Variants in LYPD5 observed in about 807,000 individuals in gnomAD.
LYPD5 encodes ly6/PLAUR domain-containing protein 5.
In LYPD5, 21 loss-of-function variants were observed where a neutral mutation model predicts 19.1. The observed-to-expected ratio is 1.10, with a 90% CI of 0.78 to 1.58. LYPD5 has a LOEUF of 1.58. Ranked by LOEUF, LYPD5 falls within the 40% of genes most tolerant of loss-of-function variation. LYPD5 has a pLI of 0.00. For missense variants in LYPD5, 287 were observed against 329.8 expected, an observed-to-expected ratio of 0.87 and a Z score of 1.00; for synonymous variants, 128 against 142.7, an observed-to-expected ratio of 0.90 and a Z score of 0.74.
intron 2 of LYPD5, among the ~76,000 whole-genome samples, chr19:43,799,472 T>C (rs1188470856): frequency 1.3e-5 from 2 of 152,194 alleles, no homozygotes; most frequent in Non-Finnish European, 2.9e-5. Context: ...CTCAAACTTC[T>C]GACCTCGTGA....
At chr19:43,809,641 C>T (rs977514722) in intron 1 of LYPD5, among the ~76,000 whole-genome samples, 1 of 152,212 alleles carries the variant, frequency 6.6e-6, no homozygotes, top group African/African-American at 2.4e-5. Flanking sequence ...ATCCACCCGC[C>T]TTGGCCTCCC....
chr19:43,810,915 C>A (rs1970318153), intron 1 of LYPD5, among the ~76,000 whole-genome samples: 1 of 152,086 alleles, frequency 6.6e-6, no homozygotes, highest in Non-Finnish European at 1.5e-5. Context: ...CAGGCGTGAG[C>A]CACTGCGCCC....
At position 43,797,718 on chromosome 19, in the gene LYPD5, C is replaced by G. The variant is rs764891877; in HGVS notation, c.629G>C (p.Gly210Ala). 2.5e-6 allele frequency: 4 copies of G among 1,613,590 alleles called. No homozygotes were observed. The South Asian group carries it at 4.4e-5, about 18-fold the overall frequency. The change falls in exon 5 of 5, where the codon GGG (glycine) becomes GCG (alanine). Residue 210 changes from glycine to alanine, a missense_variant. Gly to Ala is a moderately conservative substitution (Grantham distance 60). Transcript: ENST00000377950. ...AIDLQGSCCEGYLCNRKSMTQ... is the reference protein window; with the variant it reads ...AIDLQGSCCEAYLCNRKSMTQ... ...CATGGATTTCCTGTTGCAGAGGTAC[C>G]CCTCACAGCAGGAGCCCTGGAGGTC... is the stretch of plus-strand genomic sequence containing the variant.
intron 1 of LYPD5, among the ~76,000 whole-genome samples, chr19:43,810,031 A>T (rs897625376): frequency 2.0e-5 from 3 of 152,206 alleles, no homozygotes; most frequent in African/African-American, 7.2e-5. Context: ...TCACTTTTGC[A>T]ACCGTCAATA....
At chr19:43,802,546 G>GGATAC, upstream of LYPD5, 1 of 335,072 alleles carries the variant, frequency 3.0e-6, no homozygotes, top group East Asian at 4.0e-5. Context: ...GATGGAAACA[G>GGATAC]GGTGATCCTC....
At chr19:43,818,108 G>A (rs566854906) in intron 1 of LYPD5, among the ~76,000 whole-genome samples, 1 of 152,296 alleles carries the variant, frequency 6.6e-6, no homozygotes, top group African/African-American at 2.4e-5. Context: ...AAAGGATAGA[G>A]GAAAACAACC....
chr19:43,817,875 C>T (rs1278971155), intron 1 of LYPD5, among the ~76,000 whole-genome samples: 1 of 152,048 alleles, frequency 6.6e-6, no homozygotes, highest in Non-Finnish European at 1.5e-5. Context: ...CACCACCACA[C>T]GCAAGTAATT....
Position 43,797,777 on chromosome 19 carries a change from G to A in LYPD5, c.570C>T (p.Thr190=), listed in dbSNP as rs111393663. 6.2e-6 allele frequency: 10 copies of A among 1,613,958 alleles called. No individual in the cohort carries two copies. The African/African-American group carries it at 9.3e-5, about 15-fold the overall frequency. ...TCCAGGGGCTGGTGGTGCCCTCGGT[G>A]GTGCAGGAGGGCCGGTGGCAGGTTC... ...YIRTCHRPSC[T]TEGTTSPWTA... Residue 190 remains threonine (T), a synonymous_variant, in exon 5 of 5, where the codon ACC becomes ACT. Transcript: ENST00000377950.
chr19:43,811,933 C>G (rs1030094672), intron 1 of LYPD5, among the ~76,000 whole-genome samples: 8 of 152,140 alleles, frequency 5.3e-5, no homozygotes, highest in Admixed American at 3.9e-4. Flanking sequence ...CATTTTACCC[C>G]TCTCCAAATC....
chr19:43,813,247 T>A (rs1253224014), intron 1 of LYPD5, among the ~76,000 whole-genome samples: 6 of 152,130 alleles, frequency 3.9e-5, no homozygotes, highest in Non-Finnish European at 8.8e-5. Flanking sequence ...AGCCCCTGCA[T>A]GGTGCCCTCC....
At chr19:43,799,230 C>T (rs769294701) in intron 2 of LYPD5, among the ~76,000 whole-genome samples, 1 of 151,810 alleles carries the variant, frequency 6.6e-6, no homozygotes, top group Non-Finnish European at 1.5e-5. Flanking sequence ...CCTCACCGCT[C>T]GTCCCTCATC....
intron 1 of LYPD5, among the ~76,000 whole-genome samples, chr19:43,815,561 C>G (rs1970364847): frequency 6.6e-6 from 1 of 151,078 alleles, no homozygotes; most frequent in Non-Finnish European, 1.5e-5. Flanking sequence ...GGCAATAGAG[C>G]AAGACTCTGT....
upstream of LYPD5, among the ~76,000 whole-genome samples, chr19:43,803,985 G>A (rs1441286014): frequency 6.6e-6 from 1 of 152,050 alleles, no homozygotes; most frequent in South Asian, 2.1e-4. Context: ...TTACAGGCAT[G>A]TGCCACCATG....
intron 1 of LYPD5, among the ~76,000 whole-genome samples, chr19:43,812,814 G>A (rs1303522441): frequency 6.6e-6 from 1 of 152,158 alleles, no homozygotes; most frequent in Non-Finnish European, 1.5e-5. Context: ...GCAAATTAAG[G>A]GACAGATGAT....
chr19:43,801,079 C>G (rs570003280), intron 1 of LYPD5, among the ~76,000 whole-genome samples: 6 of 149,260 alleles, frequency 4.0e-5, no homozygotes, highest in East Asian at 2.0e-4. Context: ...AACAATTGGT[C>G]AGGCATGGTG....
At chr19:43,798,409 C>T in intron 4 of LYPD5, 46 bp downstream of exon 4, 1 of 1,594,920 alleles carries the variant, frequency 6.3e-7, no homozygotes, top group African/African-American at 1.3e-5. Flanking sequence ...GGCTGCCCTG[C>T]CTCCATATCC....
chr19:43,800,104 C>T (rs1463050816), intron 1 of LYPD5: 1 of 300,098 alleles, frequency 3.3e-6, no homozygotes, highest in African/African-American at 2.2e-5. Flanking sequence ...CTCTCCCTAG[C>T]TATGACTTAG....
At chr19:43,812,384 TC>T (rs1407366348) in intron 1 of LYPD5, among the ~76,000 whole-genome samples, 4 of 102,058 alleles carry the variant, frequency 3.9e-5, no homozygotes, top group Non-Finnish European at 7.1e-5. Flanking sequence ...TATCAATCTA[TC>T]ATCTATCTAT....
rs116715101 is a variant in LYPD5, at chr19:43,797,597, T to C, written c.750A>G (p.Ser250=). ...LLPVLLLVGL[S]A ...AGCATCCTGGAGGGGCGGTCTATGC[T>C]GAGAGCCCCACCAGCAGGAGGACTG... Residue 250 remains serine, a synonymous_variant, in exon 5 of 5, where the codon TCA becomes TCG. Transcript: ENST00000377950. 5.1e-4 allele frequency: 819 copies of C among 1,602,238 alleles called. No homozygotes were observed. In the African/African-American group the frequency reaches 9.8e-3, roughly 19 times the overall value.
Sources: gnomAD v4.1 joint callset for allele counts (sites outside exome capture counted in the v4.1 genomes callset) on GRCh38, gnomAD v4.1.1 for gene constraint, MANE v1.5 for transcripts, NCBI Gene and HGNC (gene_info 2026-07-23, HGNC 2026-07-21) for gene names.